ZFAND1: variants seen among roughly 807,000 people sequenced by gnomAD.
The protein encoded by ZFAND1 is zinc finger AN1-type containing 1, also known as AN1-type zinc finger protein 1.
Under a neutral mutation model 38.5 loss-of-function variants are expected in ZFAND1, and 40 were observed. The ratio of observed to expected loss-of-function variants is 1.04; its 90% CI spans 0.81 to 1.35. ZFAND1 has a LOEUF of 1.35. Among genes scored for constraint, ZFAND1 ranks in the 40% most tolerant of loss-of-function variants. ZFAND1 has a pLI of 0.00. For missense variants in ZFAND1, 346 were observed against 316.3 expected (o/e 1.09, Z -0.71); for synonymous variants, 117 against 103.6 (o/e 1.13, Z -0.78).
intron 6 of ZFAND1, among the ~76,000 whole-genome samples, chr8:81,705,719 G>A (rs7813897): frequency 3.3e-5 from 5 of 152,198 alleles, no homozygotes; most frequent in South Asian, 2.1e-4. Flanking sequence ...TCAGGAGTTC[G>A]AGGCCAGCCT....
At chr8:81,714,135 A>AT in intron 5 of ZFAND1, 96 bp from the exon 6 acceptor site, 4 of 1,188,862 alleles carry the variant, frequency 3.4e-6, no homozygotes, top group Non-Finnish European at 4.6e-6. Context: ...AAACATATAT[A>AT]AATTACACAC....
chr8:81,702,423 C>A lies in ZFAND1; in HGVS notation c.*272G>T, dbSNP rs934724414. 5 of 194,962 alleles carry A rather than the reference C, an allele frequency of 2.6e-5. No homozygotes were observed. The highest frequency in any genetic ancestry group is 4.1e-5 in the Non-Finnish European group (4 of 97,414). The allele number at this position is 194,962 out of a possible 1,614,324, so 12.1% of individuals were successfully genotyped here. On this transcript the variant is annotated 3_prime_UTR_variant, in exon 8 of 8. Transcript: ENST00000220669. ...GCCAATCAACAGCTGACATCCCCCA[C>A]CAGGAAATACATCTTTGTTGTTGTC...
At chr8:81,714,933 T>C (rs1313715291) in intron 4 of ZFAND1, 38 bp from the exon 5 acceptor site, 1 of 1,614,072 alleles carries the variant, frequency 6.2e-7, no homozygotes, top group Admixed American at 1.7e-5. Flanking sequence ...TTCATGTGTT[T>C]GTATAGCACT....
intron 6 of ZFAND1, among the ~76,000 whole-genome samples, chr8:81,710,444 A>C (rs1808109500): frequency 6.6e-6 from 1 of 152,234 alleles, no homozygotes; most frequent in Non-Finnish European, 1.5e-5. Context: ...GAACAAATTC[A>C]ATACAAAAGG....
At chr8:81,714,364 C>A in intron 5 of ZFAND1, 2 of 257,568 alleles carry the variant, frequency 7.8e-6, no homozygotes, top group Non-Finnish European at 1.5e-5. Context: ...AGGTACTATC[C>A]TTAATATGGA....
intron 6 of ZFAND1, among the ~76,000 whole-genome samples, chr8:81,708,335 A>G (rs557145556): frequency 8.6e-5 from 13 of 151,930 alleles, no homozygotes; most frequent in Admixed American, 6.5e-4. Context: ...GAATGAAAGA[A>G]AAGACAGAAC....
chr8:81,708,911 C>A, intron 6 of ZFAND1: 1 of 530,048 alleles, frequency 1.9e-6, no homozygotes, highest in South Asian at 2.3e-5. Context: ...CAAAACTATA[C>A]TTAGTATAGG....
At chr8:81,709,088 G>A (rs1808062285) in intron 6 of ZFAND1, among the ~76,000 whole-genome samples, 1 of 152,116 alleles carries the variant, frequency 6.6e-6, no homozygotes, top group Admixed American at 6.6e-5. Context: ...ATTTAGCACA[G>A]TAGCCAAAAC....
At chr8:81,712,971 C>G (rs1229922984) in intron 6 of ZFAND1, among the ~76,000 whole-genome samples, 1 of 152,092 alleles carries the variant, frequency 6.6e-6, no homozygotes, top group Non-Finnish European at 1.5e-5. Flanking sequence ...TCTAGTAAAG[C>G]TGAAGATCAG....
chr8:81,705,892 T>C (rs541159130), intron 6 of ZFAND1, among the ~76,000 whole-genome samples: 1 of 152,314 alleles, frequency 6.6e-6, no homozygotes, highest in East Asian at 1.9e-4. Flanking sequence ...CACTCCAGCC[T>C]GGGTGACAGA....
chr8:81,702,742 TA>T lies in ZFAND1; in HGVS notation c.759del (p.Asn254MetfsTer45). 1 of 1,589,182 alleles carries T rather than the reference TA, an allele frequency of 6.3e-7. No homozygotes were observed. Among genetic ancestry groups the T allele is most frequent in the East Asian group, 2.3e-5 (1 of 43,704 alleles). On this transcript the variant is annotated frameshift_variant, in exon 8 of 8. Coordinates refer to ENST00000220669, the MANE Select transcript of ZFAND1 (RefSeq NM_024699.3). LOFTEE classifies it high-confidence loss of function. ...TTTTTACAGAATTGTTCTTCATCAT[TA>T]AGATATTCCAAGATTATATTTCCAC... is the stretch of plus-strand genomic sequence containing the variant. ...YNGGNIILEY[L>X]NDEEQFCKNV...
At chr8:81,705,232 CTG>C (rs1807941633) in intron 6 of ZFAND1, among the ~76,000 whole-genome samples, 1 of 152,094 alleles carries the variant, frequency 6.6e-6, no homozygotes. Context: ...AGACAGGGAT[CTG>C]TGAGTGAGAG....
chr8:81,720,241 T>C (rs981305974), intron 1 of ZFAND1, among the ~76,000 whole-genome samples: 16 of 152,204 alleles, frequency 1.1e-4, no homozygotes, highest in African/African-American at 3.9e-4. Context: ...AAACTTGCCT[T>C]TTCAAGGTGT....
At chr8:81,704,755 C>T (rs1382444676) in intron 6 of ZFAND1, among the ~76,000 whole-genome samples, 1 of 152,082 alleles carries the variant, frequency 6.6e-6, no homozygotes, top group African/African-American at 2.4e-5. Flanking sequence ...CAATTCCCAA[C>T]TCAGCACTAA....
rs776588533 is a variant in ZFAND1 at position 81,702,826 on chromosome 8, G to T, written c.676C>A (p.Pro226Thr). The T allele has an allele frequency of 8.1e-6, 13 of 1,605,154 alleles. No homozygotes were observed. The highest frequency in any genetic ancestry group is 1.7e-5 in the Admixed American group (1 of 58,434). Residue 226 changes from proline to threonine, a missense_variant, in exon 8 of 8, where the codon CCC (proline) becomes ACC (threonine). Pro to Thr is a conservative substitution (Grantham distance 38, BLOSUM62 -1). Coordinates refer to ENST00000220669, the MANE Select transcript of ZFAND1 (RefSeq NM_024699.3). The part of the protein sequence containing the change: ...LCHITSGEAL[P>T]LDHTLETWIA... ...CAGGTTTCCAAAGTATGATCCAAGGGTAAGGCTTCTCCTGAAGTAATGTGA... is the reference window on the plus strand; with the variant it reads ...CAGGTTTCCAAAGTATGATCCAAGGTTAAGGCTTCTCCTGAAGTAATGTGA...
intron 2 of ZFAND1, 53 bp downstream of exon 2, chr8:81,718,129 A>T (rs1808368040): frequency 1.5e-6 from 2 of 1,371,456 alleles, no homozygotes; most frequent in Non-Finnish European, 2.0e-6. Context: ...AAATAACCTC[A>T]TATTAATAAA....
At chr8:81,708,667 C>A in intron 6 of ZFAND1, 1 of 730,268 alleles carries the variant, frequency 1.4e-6, no homozygotes, top group South Asian at 4.4e-5. Context: ...TTTATAGCCA[C>A]CAGACTGTAA....
At chr8:81,707,455 T>G (rs771866434) in intron 6 of ZFAND1, among the ~76,000 whole-genome samples, 17 of 152,232 alleles carry the variant, frequency 1.1e-4, no homozygotes, top group South Asian at 2.1e-4. Context: ...ACTCTCAGCT[T>G]CCACATTTTG....
intron 6 of ZFAND1, chr8:81,708,865 C>A: frequency 9.1e-7 from 1 of 1,094,700 alleles, no homozygotes. Context: ...CTCAGAAGAG[C>A]TGCAAGTACT....
Sources: allele counts gnomAD v4.1 joint callset (sites outside exome capture counted in the v4.1 genomes callset), GRCh38; gene constraint gnomAD v4.1.1; transcripts MANE v1.5; gene names NCBI Gene and HGNC (gene_info 2026-07-23, HGNC 2026-07-21).